Variants in NSD2 observed in about 807,000 individuals in gnomAD.
NSD2 encodes histone-lysine N-methyltransferase NSD2.
NSD2 carries 12 observed loss-of-function variants against 139.0 expected under a neutral mutation model. The observed-to-expected ratio is 0.09, with a 90% CI of 0.06 to 0.14. The LOEUF (loss-of-function observed/expected upper bound fraction) is 0.14. Among genes scored for constraint, NSD2 ranks in the 10% least tolerant of loss-of-function variants. The probability of loss-of-function intolerance (pLI) is 1.00; values close to 1 mark genes in which losing one functional copy is unlikely to be tolerated. For missense variants in NSD2, 1,155 were observed against 1,745.0 expected (o/e 0.66, Z 6.02); for synonymous variants, 669 against 648.7 (o/e 1.03, Z -0.48).
At chr4:1,957,180 ACGGATTGTAGGGGTGTGTGTTTCCT>A (rs1724906929) in intron 15 of NSD2, among the ~76,000 whole-genome samples, 1 of 151,976 alleles carries the variant, frequency 6.6e-6, no homozygotes, top group Non-Finnish European at 1.5e-5. Context: ...CCTTCTTGGG[ACGGATTGTAGGGGTGTGTGTTTCCT>A]CGGTTCTTGC....
intron 1 of NSD2, among the ~76,000 whole-genome samples, chr4:1,875,958 G>A (rs1158050775): frequency 6.6e-6 from 1 of 151,176 alleles, no homozygotes; most frequent in East Asian, 2.0e-4. Flanking sequence ...GCTCAAGCTT[G>A]TAATCCCAGC....
chr4:1,938,627 G>C (rs560562157), intron 8 of NSD2, 95 bp downstream of exon 8: 4 of 1,063,932 alleles, frequency 3.8e-6, no homozygotes, highest in Non-Finnish European at 5.6e-6. Flanking sequence ...GGCTGGGGCT[G>C]GTGAAGGGGA....
intron 10 of NSD2, 99 bp downstream of exon 10, chr4:1,951,302 C>T (rs893450430): frequency 9.1e-5 from 138 of 1,512,544 alleles, no homozygotes; most frequent in Admixed American, 3.2e-4. Flanking sequence ...CCCACCAGAC[C>T]CCTTCCCCAA....
intron 21 of NSD2, among the ~76,000 whole-genome samples, chr4:1,977,669 G>T (rs551734622): frequency 5.3e-5 from 8 of 151,926 alleles, no homozygotes; most frequent in Admixed American, 5.2e-4. Context: ...CCAGCTATTC[G>T]GGAGGCTGAG....
intron 8 of NSD2, 38 bp downstream of exon 8, chr4:1,938,570 G>A (rs924504608): frequency 1.3e-6 from 2 of 1,553,366 alleles, no homozygotes; most frequent in African/African-American, 2.8e-5. Flanking sequence ...TGGCTTCTGG[G>A]TGCCCAGGCT....
At chr4:1,898,326 A>T in intron 1 of NSD2, among the ~76,000 whole-genome samples, 1 of 152,098 alleles carries the variant, frequency 6.6e-6, no homozygotes, top group East Asian at 1.9e-4. Context: ...GACTTGAGTG[A>T]TCCTCCTGCC....
rs143360610 is a variant in NSD2 at position 1,955,241 on chromosome 4, G to A, written c.2419G>A (p.Ala807Thr). The change falls in exon 13 of 22, where the codon GCC (alanine) becomes ACC (threonine). Residue 807 changes from alanine (A) to threonine (T), a missense_variant. By Grantham distance (58) the Ala-to-Thr change is moderately conservative. This residue lies in a region of NSD2 where 120 missense variants were observed against 239.3 expected (regional missense o/e 0.50). Coordinates refer to ENST00000508803, the MANE Select transcript of NSD2 (RefSeq NM_001042424.3). The surrounding 1 kb of genome is among the most constrained non-coding windows in gnomAD (Gnocchi z 4.7). The part of the protein sequence containing the change: ...ACLAAGCSVI[A>T]SNSIICTAHF... ...TCTGGCAGCAGGATGCTCAGTGATCGCCTCCAACAGCATCATCTGCACTGC... is the reference window on the plus strand; with the variant it reads ...TCTGGCAGCAGGATGCTCAGTGATCACCTCCAACAGCATCATCTGCACTGC... 2.3e-4 allele frequency: 374 copies of A among 1,614,090 alleles called. 1 individual carries two copies. In the African/African-American group the frequency reaches 3.2e-3, roughly 14 times the overall value.
At chr4:1,904,086 C>T in intron 2 of NSD2, 130 bp from the exon 3 acceptor site, 1 of 1,040,034 alleles carries the variant, frequency 9.6e-7, no homozygotes, top group Non-Finnish European at 1.4e-6. Context: ...TAAAACACAG[C>T]AAGGGAGCAC....
At chr4:1,872,047 G>T (rs965033677) in intron 1 of NSD2, among the ~76,000 whole-genome samples, 1 of 151,406 alleles carries the variant, frequency 6.6e-6, no homozygotes, top group African/African-American at 2.4e-5. Context: ...TGGGGTCCCG[G>T]GGCCGGCGCC....
intron 7 of NSD2, among the ~76,000 whole-genome samples, 196 bp downstream of exon 7, chr4:1,935,458 C>A (rs986618626): frequency 6.6e-6 from 1 of 152,206 alleles, no homozygotes; most frequent in African/African-American, 2.4e-5. Context: ...TTCTTACCCT[C>A]CAGGGGTGTT....
At chr4:1,927,440 C>T (rs183110331) in intron 5 of NSD2, among the ~76,000 whole-genome samples, 3 of 151,870 alleles carry the variant, frequency 2.0e-5, no homozygotes, top group East Asian at 3.9e-4. Flanking sequence ...GGGGGGAGCA[C>T]AGTGCAGTGC....
At chr4:1,946,815 A>G (rs905792611) in intron 9 of NSD2, 1 of 1,055,666 alleles carries the variant, frequency 9.5e-7, no homozygotes, top group Non-Finnish European at 1.1e-6. Flanking sequence ...ACATTCTTAC[A>G]GCAGGGTGTC....
intron 6 of NSD2, among the ~76,000 whole-genome samples, chr4:1,931,190 ATCC>A (rs946537155): frequency 2.0e-4 from 30 of 152,212 alleles, no homozygotes; most frequent in Admixed American, 1.9e-3. Context: ...TCTGAGAGCA[ATCC>A]TCCTGGTTTC....
chr4:1,947,855 T>C, intron 9 of NSD2: 1 of 1,052,314 alleles, frequency 9.5e-7, no homozygotes, highest in Non-Finnish European at 1.1e-6. Context: ...TGTCAAAAAA[T>C]TAAAAACTCA....
At position 1,961,185 on chromosome 4, in the gene NSD2, G is replaced by A. The variant is rs769207647; in HGVS notation, c.3372+34G>A. 1.8e-5 allele frequency: 28 copies of A among 1,544,160 alleles called. No individual in the cohort carries two copies. The East Asian group carries it at 6.2e-4, about 34-fold the overall frequency. On this transcript the variant is annotated intron_variant, in intron 18 of 21. Transcript: ENST00000508803. ...GAACTCCACTGTGAGCTTCTGCAGTGTGCTGGACCTGGAGCCCTGATGGTC... is the reference window on the plus strand; with the variant it reads ...GAACTCCACTGTGAGCTTCTGCAGTATGCTGGACCTGGAGCCCTGATGGTC...
At position 1,900,834 on chromosome 4, in the gene NSD2, G is replaced by A. The variant is rs1188796699; in HGVS notation, c.180G>A (p.Gly60=). 4 of 1,613,710 alleles carry A rather than the reference G, an allele frequency of 2.5e-6. No homozygotes were observed. The highest frequency in any genetic ancestry group is 1.1e-5 in the South Asian group (1 of 91,038). The change falls in exon 2 of 22, where the codon GGG becomes GGA. Residue 60 remains glycine, a synonymous_variant. Transcript: ENST00000508803. ...KAQLSSSLQE[G]VMQKFNGHDA... ...AGCTCTCCAGTAGCCTGCAGGAGGGGGTCATGCAGAAGTTTAACGGCCACG... is the reference window on the plus strand; with the variant it reads ...AGCTCTCCAGTAGCCTGCAGGAGGGAGTCATGCAGAAGTTTAACGGCCACG...
intron 7 of NSD2, 27 bp from the exon 8 acceptor site, chr4:1,938,412 CTTTCTTTTTTTT>C (rs1722693121): frequency 4.7e-6 from 3 of 635,586 alleles, no homozygotes; most frequent in Admixed American, 6.9e-5. Context: ...TTTTTTTTTT[CTTTCTTTTTTTT>C]TTTTTTTTTT....
intron 3 of NSD2, among the ~76,000 whole-genome samples, chr4:1,909,394 ACT>A (rs905146964): frequency 1.3e-5 from 2 of 151,730 alleles, no homozygotes; most frequent in African/African-American, 4.8e-5. Flanking sequence ...TGCAAGGGAA[ACT>A]CTGTGCAGTA....
At chr4:1,939,872 C>T (rs576114551) in intron 9 of NSD2, 94 bp downstream of exon 9, 119 of 1,598,108 alleles carry the variant, frequency 7.4e-5, no homozygotes, top group Admixed American at 1.0e-4. Flanking sequence ...ACTTCATAAG[C>T]GCAGCATTGG....
Sources: allele counts gnomAD v4.1 joint callset (sites outside exome capture counted in the v4.1 genomes callset), GRCh38; gene constraint gnomAD v4.1.1; regional missense constraint gnomAD v4.1.1; non-coding constraint Gnocchi (gnomAD v3.1); transcripts MANE v1.5; gene names NCBI Gene and HGNC (gene_info 2026-07-23, HGNC 2026-07-21).